The following WDR64 variants were observed in gnomAD, a reference collection of about 807,000 sequenced individuals.
The protein encoded by WDR64 is WD repeat-containing protein 64.
A neutral mutation model predicts 139.3 loss-of-function variants in WDR64; 112 were observed. That is an observed-to-expected ratio of 0.80 (90% confidence interval 0.69 to 0.94). WDR64 has a LOEUF of 0.94. Ranked by LOEUF, WDR64 falls within the 40% of genes least tolerant of loss-of-function variation. The pLI is 0.00. For synonymous variants in WDR64, 444 were observed against 437.7 expected (o/e 1.01, Z -0.18); for missense variants, 1,206 against 1,293.1 (o/e 0.93, Z 1.03).
chr1:241,735,905 C>A (rs1487481467), intron 10 of WDR64, among the ~76,000 whole-genome samples: 1 of 145,940 alleles, frequency 6.9e-6, no homozygotes, highest in African/African-American at 2.5e-5. Flanking sequence ...ATGCTCACTC[C>A]TTCCAATCTA....
At position 241,769,490 on chromosome 1, in the gene WDR64, C is replaced by A. The variant is rs1316264367; in HGVS notation, c.2168C>A (p.Thr723Asn). 1.9e-6 allele frequency: 3 copies of A among 1,551,310 alleles called. No homozygotes were observed. Among genetic ancestry groups the A allele is most frequent in the Admixed American group, 3.9e-5 (2 of 51,004 alleles). Residue 723 changes from threonine to asparagine, a missense_variant, in exon 17 of 28, where the codon ACC becomes AAC. By Grantham distance (65) the Thr-to-Asn change is moderately conservative (BLOSUM62 0). Coordinates refer to ENST00000437684, the MANE Select transcript of WDR64 (RefSeq NM_001367482.1). ...AATGACATACTGTTCCTCTTTCGTA[C>A]CCCTGAATGTGCAAGGTAACTCGTT... ...KINDILFLFR[T>N]PECARRSSQD...
chr1:241,708,468 C>T (rs11580123), intron 8 of WDR64, among the ~76,000 whole-genome samples: 1 of 152,118 alleles, frequency 6.6e-6, no homozygotes, highest in Non-Finnish European at 1.5e-5. Context: ...CATACACCAC[C>T]ATGCCTGGCT....
At chr1:241,749,749 C>A (rs774428130) in intron 14 of WDR64, 27 bp downstream of exon 14, 1 of 1,565,270 alleles carries the variant, frequency 6.4e-7, no homozygotes, top group East Asian at 2.3e-5. Context: ...CATACTCGTA[C>A]TGCAGGTGCC....
At chr1:241,739,856 T>C (rs1231813783) in intron 11 of WDR64, among the ~76,000 whole-genome samples, 1 of 152,220 alleles carries the variant, frequency 6.6e-6, no homozygotes, top group Non-Finnish European at 1.5e-5. Context: ...ATGAAGCTTA[T>C]GTCTAGGATT....
chr1:241,652,779 C>A, intron 1 of WDR64, 150 bp downstream of exon 1: 1 of 964,120 alleles, frequency 1.0e-6, no homozygotes, highest in Non-Finnish European at 1.5e-6. Context: ...CTTTCTCTGT[C>A]CCTAAATAAC....
chr1:241,693,985 C>T (rs1234238121), intron 8 of WDR64, among the ~76,000 whole-genome samples: 1 of 152,086 alleles, frequency 6.6e-6, no homozygotes, highest in Non-Finnish European at 1.5e-5. Flanking sequence ...TGGTCTCCTT[C>T]CCCACCTTTA....
chr1:241,673,216 A>G (rs1666306732), intron 3 of WDR64, among the ~76,000 whole-genome samples: 2 of 151,660 alleles, frequency 1.3e-5, no homozygotes, highest in Admixed American at 6.6e-5. Flanking sequence ...GCATTAGGAG[A>G]TACACCTAAT....
intron 14 of WDR64, among the ~76,000 whole-genome samples, chr1:241,752,776 G>C (rs562315244): frequency 1.3e-5 from 2 of 152,218 alleles, no homozygotes; most frequent in South Asian, 4.2e-4. Flanking sequence ...GCTTGATCCT[G>C]GGAAGTCAAG....
At chr1:241,696,822 T>C (rs1302431413) in intron 8 of WDR64, among the ~76,000 whole-genome samples, 3 of 152,172 alleles carry the variant, frequency 2.0e-5, no homozygotes, top group Admixed American at 2.0e-4. Flanking sequence ...TTGGGACCTG[T>C]ATCTTGTGTT....
At chr1:241,702,806 G>A (rs1164123577) in intron 8 of WDR64, among the ~76,000 whole-genome samples, 4 of 152,226 alleles carry the variant, frequency 2.6e-5, no homozygotes, top group East Asian at 1.9e-4. Flanking sequence ...GAATAGAGCT[G>A]TAAGGGAATC....
chr1:241,787,800 G>A lies in WDR64; in HGVS notation c.2706-49G>A, dbSNP rs766337517. The A allele has an allele frequency of 4.7e-6, 7 of 1,502,778 alleles. No homozygotes were observed. The Admixed American group carries it at 1.6e-4, about 35-fold the overall frequency. The allele number at this position is 1,502,778 out of a possible 1,614,324, so 93.1% of individuals were successfully genotyped here. On this transcript the variant is annotated intron_variant, in intron 23 of 27. Transcript: ENST00000437684. ...ACGATCTAATGAACAGAATAACTTT[G>A]ACCAAATTTTCCAGTTACTTTTTCC...
intron 2 of WDR64, among the ~76,000 whole-genome samples, chr1:241,666,825 A>G (rs1666041090): frequency 6.6e-6 from 1 of 152,210 alleles, no homozygotes; most frequent in Non-Finnish European, 1.5e-5. Flanking sequence ...AGAGCATAAC[A>G]TGGGGATTAT....
In WDR64 at chr1:241,725,212, G is replaced by A. The variant is rs141133958; in HGVS notation, c.1194+1776G>A. Among the ~76,000 whole-genome samples, 289 of 152,156 alleles carry A rather than the reference G, an allele frequency of 1.9e-3. 1 individual carries two copies. The highest frequency in any genetic ancestry group is 6.8e-3 in the African/African-American group (284 of 41,498). On this transcript the variant is annotated intron_variant, in intron 10 of 27. Transcript: ENST00000437684. ...AATAAAACTGGCAAAAACTTCCTGC[G>A]TATTTGTTCTAATAAAATAGCTAGA...
rs1014712613 is a variant in WDR64 at position 241,652,413 on chromosome 1, C to T, written c.-72C>T. On this transcript the variant is annotated 5_prime_UTR_variant, in exon 1 of 28. Coordinates refer to ENST00000437684, the MANE Select transcript of WDR64 (RefSeq NM_001367482.1). ...AGACAGCAGGGAGGCACTGTAACAA[C>T]TGGAAAGTTTTCCAAATTGGTAAAC... is the stretch of plus-strand genomic sequence containing the variant. The T allele has an allele frequency of 3.6e-5, 54 of 1,483,316 alleles. No individual in the cohort carries two copies. The highest frequency in any genetic ancestry group is 4.9e-5 in the East Asian group (2 of 40,470). The allele number at this position is 1,483,316 out of a possible 1,614,324, so 91.9% of individuals were successfully genotyped here.
chr1:241,742,253 C>T (rs1275189230), intron 12 of WDR64, among the ~76,000 whole-genome samples: 1 of 152,206 alleles, frequency 6.6e-6, no homozygotes, highest in African/African-American at 2.4e-5. Flanking sequence ...TGCTGCATTT[C>T]CTCCAGCCCA....
chr1:241,672,394 G>C (rs1051008845), intron 3 of WDR64, among the ~76,000 whole-genome samples: 2 of 152,190 alleles, frequency 1.3e-5, no homozygotes, highest in Non-Finnish European at 2.9e-5. Flanking sequence ...CCAGAGCAGG[G>C]GAGAAGTGTG....
chr1:241,672,772 G>C (rs1432322018), intron 3 of WDR64, among the ~76,000 whole-genome samples: 1 of 152,090 alleles, frequency 6.6e-6, no homozygotes, highest in Admixed American at 6.6e-5. Flanking sequence ...GTCCCCACTG[G>C]GAAGGTGAAA....
chr1:241,674,602 C>A (rs1354211557), intron 3 of WDR64, 42 bp from the exon 4 acceptor site: 12 of 1,320,248 alleles, frequency 9.1e-6, no homozygotes, highest in Admixed American at 2.3e-5. Flanking sequence ...GTTTCAGCAC[C>A]TTTACTGCTG....
chr1:241,712,279 AGAG>A (rs1668203022), intron 9 of WDR64, among the ~76,000 whole-genome samples: 1 of 152,196 alleles, frequency 6.6e-6, no homozygotes, highest in Non-Finnish European at 1.5e-5. Flanking sequence ...CAAATCCTCC[AGAG>A]GAGATCATGA....
Sources: allele counts gnomAD v4.1 joint callset (sites outside exome capture counted in the v4.1 genomes callset), GRCh38; gene constraint gnomAD v4.1.1; transcripts MANE v1.5; gene names NCBI Gene and HGNC (gene_info 2026-07-23, HGNC 2026-07-21).